The following LIPI variants were observed in gnomAD, a reference collection of about 807,000 sequenced individuals.
LIPI encodes the protein lipase member I.
Under a neutral mutation model 50.6 loss-of-function variants are expected in LIPI, and 59 were observed. The observed-to-expected ratio is 1.16, with a 90% CI of 0.94 to 1.45. LIPI has a LOEUF of 1.45. Ranked by LOEUF, LIPI falls within the 40% of genes most tolerant of loss-of-function variation. The probability of loss-of-function intolerance (pLI) is 0.00; values close to 1 mark genes in which losing one functional copy is unlikely to be tolerated. For synonymous variants in LIPI, 203 were observed against 178.2 expected (o/e 1.14, Z -1.11); for missense variants, 586 against 536.3 (o/e 1.09, Z -0.92).
At chr21:14,114,696 T>C (rs2016555921) in intron 9 of LIPI, among the ~76,000 whole-genome samples, 1 of 152,174 alleles carries the variant, frequency 6.6e-6, no homozygotes. Flanking sequence ...GCCTGAGTCA[T>C]GCAGATTCCC....
At chr21:14,209,012 C>G (rs1046874626) in intron 1 of LIPI, among the ~76,000 whole-genome samples, 1 of 152,120 alleles carries the variant, frequency 6.6e-6, no homozygotes, top group Admixed American at 6.5e-5. Context: ...GAACTTCACA[C>G]TGTACTCCAG....
chr21:14,199,617 A>AT (rs1311709354), intron 1 of LIPI, among the ~76,000 whole-genome samples: 1 of 151,280 alleles, frequency 6.6e-6, no homozygotes, highest in Non-Finnish European at 1.5e-5. Flanking sequence ...AAAAAAAAAA[A>AT]GCCTAAGAAA....
intron 7 of LIPI, among the ~76,000 whole-genome samples, chr21:14,154,475 G>A (rs1008161047): frequency 2.6e-5 from 4 of 151,822 alleles, no homozygotes; most frequent in East Asian, 3.9e-4. Context: ...GAAGGAAGGA[G>A]TTGAAGGAGG....
At chr21:14,198,306 T>C (rs777841570) in intron 1 of LIPI, among the ~76,000 whole-genome samples, 1 of 152,086 alleles carries the variant, frequency 6.6e-6, no homozygotes, top group Non-Finnish European at 1.5e-5. Context: ...AATGCCCCAA[T>C]TGAAAGACAC....
intron 8 of LIPI, among the ~76,000 whole-genome samples, chr21:14,147,082 CTTTA>C (rs2017936017): frequency 6.6e-6 from 1 of 152,036 alleles, no homozygotes; most frequent in African/African-American, 2.4e-5. Flanking sequence ...CAGCCCCAGC[CTTTA>C]TTCTTAAACA....
intron 4 of LIPI, among the ~76,000 whole-genome samples, chr21:14,179,326 T>C (rs999555920): frequency 1.3e-5 from 2 of 152,034 alleles, no homozygotes; most frequent in Non-Finnish European, 2.9e-5. Context: ...CATTCAGAAA[T>C]TTCTCGGACA....
intron 4 of LIPI, among the ~76,000 whole-genome samples, chr21:14,174,501 C>T (rs1363995237): frequency 4.6e-5 from 7 of 150,676 alleles, no homozygotes; most frequent in Non-Finnish European, 7.4e-5. Flanking sequence ...GTCCCCTAAT[C>T]GCTAACCCAT....
rs544002201 is a variant in LIPI at position 14,202,183 on chromosome 21, G to A, written c.46+8617C>T. 1.8e-3 allele frequency among the ~76,000 whole-genome samples: 274 copies of A among 152,216 alleles called. 3 individuals are homozygous for A. The highest frequency in any genetic ancestry group is 0.014 in the Admixed American group (220 of 15,280). ...AACCACTGCTCAATGAAATAAAAGA[G>A]GATACAAACAAATGGAAGAATATTC... is the stretch of plus-strand genomic sequence containing the variant. On this transcript the variant is annotated intron_variant, in intron 1 of 9. Transcript: ENST00000681601.
At chr21:14,159,211 C>T (rs2018379764) in intron 7 of LIPI, among the ~76,000 whole-genome samples, 1 of 151,452 alleles carries the variant, frequency 6.6e-6, no homozygotes, top group East Asian at 1.9e-4. Flanking sequence ...AAGAAAGGAA[C>T]ACTACTAACA....
chr21:14,140,276 G>A (rs974374775), intron 9 of LIPI, among the ~76,000 whole-genome samples: 4 of 152,110 alleles, frequency 2.6e-5, no homozygotes, highest in East Asian at 3.8e-4. Flanking sequence ...ATGATTGGAT[G>A]ATGAGTGAGA....
At chr21:14,205,042 A>C (rs1332893634) in intron 1 of LIPI, among the ~76,000 whole-genome samples, 1 of 151,852 alleles carries the variant, frequency 6.6e-6, no homozygotes, top group Non-Finnish European at 1.5e-5. Context: ...ATGAGAAAAA[A>C]GAAAAAGAAT....
chr21:14,190,265 G>A (rs1323731661), intron 1 of LIPI, among the ~76,000 whole-genome samples: 1 of 152,022 alleles, frequency 6.6e-6, no homozygotes, highest in Non-Finnish European at 1.5e-5. Context: ...ACAATGAAAT[G>A]ATGACTGCCT....
chr21:14,190,844 A>G (rs2019645240), intron 1 of LIPI, among the ~76,000 whole-genome samples: 2 of 152,160 alleles, frequency 1.3e-5, no homozygotes, highest in Admixed American at 1.3e-4. Flanking sequence ...AGAATTTAAT[A>G]CATATCAATA....
chr21:14,143,255 C>T (rs960016124), intron 9 of LIPI, among the ~76,000 whole-genome samples: 2 of 152,102 alleles, frequency 1.3e-5, no homozygotes, highest in Non-Finnish European at 1.5e-5. Flanking sequence ...CCACTATATA[C>T]TTTCATAGGG....
intron 7 of LIPI, 98 bp downstream of exon 7, chr21:14,163,321 G>T: frequency 1.5e-6 from 1 of 665,296 alleles, no homozygotes. Context: ...AGAACATGAT[G>T]GAATTTGAGT....
intron 3 of LIPI, among the ~76,000 whole-genome samples, chr21:14,182,827 T>C (rs982624793): frequency 1.3e-5 from 2 of 151,948 alleles, no homozygotes; most frequent in Non-Finnish European, 2.9e-5. Context: ...CACTGCTCAA[T>C]GAAATAAAAG....
rs563894862 is a variant in LIPI, at chr21:14,196,024, C to T, written c.47-6605G>A. Among the ~76,000 whole-genome samples the T allele has an allele frequency of 8.6e-5, 13 of 151,730 alleles. No homozygotes were observed. The South Asian group carries it at 2.7e-3, about 32-fold the overall frequency. ...AAAATGATACAATTATTGTTAGTTT[C>T]TTATAAGGTTACATGCACTTATATG... is the stretch of plus-strand genomic sequence containing the variant. On this transcript the variant is annotated intron_variant, in intron 1 of 9. Transcript: ENST00000681601.
chr21:14,181,850 G>T lies in LIPI; in HGVS notation c.551C>A (p.Pro184His). 6.2e-7 allele frequency: 1 copy of T among 1,603,254 alleles called. No individual in the cohort carries two copies. ...GQLGRITGLD[P>H]AGPRFSRKPP... ...TTTTCTGGAGAACCTTGGCCCAGCA[G>T]GGTCAAGACCTGGAAAGCAAGAAAG... is the stretch of plus-strand genomic sequence containing the variant. Residue 184 changes from proline to histidine, a missense_variant, in exon 4 of 10, where the codon CCT becomes CAT. Coordinates refer to ENST00000681601, the MANE Select transcript of LIPI (RefSeq NM_001302998.2).
At chr21:14,209,526 T>C (rs1323311043) in intron 1 of LIPI, among the ~76,000 whole-genome samples, 1 of 152,132 alleles carries the variant, frequency 6.6e-6, no homozygotes, top group Non-Finnish European at 1.5e-5. Context: ...AAAAATGAAT[T>C]TGAGGATCAG....
Sources: allele counts gnomAD v4.1 joint callset (sites outside exome capture counted in the v4.1 genomes callset), GRCh38; gene constraint gnomAD v4.1.1; transcripts MANE v1.5; gene names NCBI Gene and HGNC (gene_info 2026-07-23, HGNC 2026-07-21).